FBXO11: variants seen among roughly 807,000 people sequenced by gnomAD.
FBXO11 encodes the protein F-box only protein 11.
FBXO11 carries 13 observed loss-of-function variants against 117.0 expected under a neutral mutation model. That is an observed-to-expected ratio of 0.11 (90% CI 0.07 to 0.18). The LOEUF is 0.18. FBXO11 is among the 10% of genes least tolerant of loss of function. The pLI is 1.00. For synonymous variants in FBXO11, 490 were observed against 380.5 expected (o/e 1.29, Z -3.35); for missense variants, 767 against 1,164.4 (o/e 0.66, Z 4.97).
intron 21 of FBXO11, 153 bp from the exon 22 acceptor site, chr2:47,808,580 T>C (rs1670386562): frequency 5.4e-6 from 3 of 555,132 alleles, no homozygotes; most frequent in Non-Finnish European, 9.2e-6. Flanking sequence ...AAAGGAACTT[T>C]AATGGAGTAA....
intron 1 of FBXO11, among the ~76,000 whole-genome samples, chr2:47,858,664 AGAGT>A (rs1267967295): frequency 2.1e-5 from 3 of 142,302 alleles, no homozygotes; most frequent in Admixed American, 2.1e-4. Flanking sequence ...CCTGGGCAAC[AGAGT>A]GAGACTCTGC....
Position 47,839,012 on chromosome 2 carries a change from A to G in FBXO11, c.443-9T>C. On this transcript the variant is annotated splice_polypyrimidine_tract_variant and intron_variant, in intron 3 of 22. Transcript: ENST00000403359. ...CTGTTCAGCAGGTGCTGCTATAAAG[A>G]GATTAACATATAAACTATCATTCGA... The G allele has an allele frequency of 6.2e-7, 1 of 1,602,524 alleles. No homozygotes were observed. Among genetic ancestry groups the G allele is most frequent in the Non-Finnish European group, 8.5e-7 (1 of 1,174,752 alleles).
chr2:47,884,384 C>T (rs1676659293), intron 1 of FBXO11, among the ~76,000 whole-genome samples: 1 of 152,182 alleles, frequency 6.6e-6, no homozygotes, highest in Non-Finnish European at 1.5e-5. Context: ...ACCTTTTGAA[C>T]TTCAACATGA....
intron 11 of FBXO11, among the ~76,000 whole-genome samples, chr2:47,828,353 T>G (rs1467921143): frequency 1.3e-5 from 2 of 152,126 alleles, no homozygotes; most frequent in Non-Finnish European, 2.9e-5. Flanking sequence ...ACATTCTTTA[T>G]TAAATATGAC....
At chr2:47,876,611 GT>G (rs1394724552) in intron 1 of FBXO11, among the ~76,000 whole-genome samples, 1 of 152,130 alleles carries the variant, frequency 6.6e-6, no homozygotes, top group African/African-American at 2.4e-5. Flanking sequence ...TGGTAAATAC[GT>G]TGTTAATTTA....
chr2:47,830,325 T>C (rs1045675917), intron 11 of FBXO11, among the ~76,000 whole-genome samples: 4 of 151,936 alleles, frequency 2.6e-5, no homozygotes, highest in Admixed American at 1.3e-4. Flanking sequence ...AGGCAATGGA[T>C]AGGGATTCTC....
At chr2:47,875,292 T>G (rs1009752975) in intron 1 of FBXO11, among the ~76,000 whole-genome samples, 1 of 152,210 alleles carries the variant, frequency 6.6e-6, no homozygotes, top group African/African-American at 2.4e-5. Flanking sequence ...TAGTCACATG[T>G]GGCAAGTGGC....
At chr2:47,904,489 C>G (rs1210772710) in intron 1 of FBXO11, among the ~76,000 whole-genome samples, 3 of 152,146 alleles carry the variant, frequency 2.0e-5, no homozygotes, top group Non-Finnish European at 4.4e-5. Context: ...AGCCCTTAGA[C>G]AATGGTGGTT....
intron 1 of FBXO11, among the ~76,000 whole-genome samples, chr2:47,878,420 C>T (rs189417028): frequency 3.3e-5 from 5 of 152,056 alleles, no homozygotes; most frequent in East Asian, 3.9e-4. Context: ...TGCAGTAGCA[C>T]GATCTCAGCT....
At chr2:47,875,026 G>A (rs192967052) in intron 1 of FBXO11, among the ~76,000 whole-genome samples, 1 of 152,152 alleles carries the variant, frequency 6.6e-6, no homozygotes, top group East Asian at 1.9e-4. Flanking sequence ...TACAGGATAT[G>A]ATCATCTCAA....
At chr2:47,881,063 G>C (rs1018253241) in intron 1 of FBXO11, among the ~76,000 whole-genome samples, 1 of 152,174 alleles carries the variant, frequency 6.6e-6, no homozygotes, top group Non-Finnish European at 1.5e-5. Context: ...GTCAAGCCTG[G>C]CCAACATGGT....
intron 13 of FBXO11, among the ~76,000 whole-genome samples, chr2:47,820,740 G>A (rs1175759775): frequency 1.3e-5 from 2 of 152,146 alleles, no homozygotes; most frequent in Admixed American, 6.5e-5. Flanking sequence ...TCTGTATACT[G>A]ATCAGTAAGT....
chr2:47,851,865 C>G (rs1361650163), intron 1 of FBXO11, among the ~76,000 whole-genome samples: 3 of 152,124 alleles, frequency 2.0e-5, no homozygotes. Flanking sequence ...AGCATTAAAT[C>G]CTTAACCTTT....
rs1670273988 is a variant in FBXO11, at chr2:47,807,211, AC to A, written c.*906del. 3.9e-6 allele frequency: 1 copy of A among 255,036 alleles called. No homozygotes were observed. The allele number at this position is 255,036 out of a possible 1,614,324, so 15.8% of individuals were successfully genotyped here. A position where few individuals can be genotyped will look rare whatever the true frequency, so the allele number is the denominator to read the frequency against. The stretch of plus-strand genomic sequence containing the variant: ...TTTAATTTCCAGCAGTTTTGTCTAA[AC>A]TGTTCAAAAAAAAACTATGAACAGA... On this transcript the variant is annotated 3_prime_UTR_variant, in exon 23 of 23. Coordinates refer to ENST00000403359, the MANE Select transcript of FBXO11 (RefSeq NM_001190274.2).
At position 47,888,632 on chromosome 2, in the gene FBXO11, G is replaced by C. The variant is rs547938491; in HGVS notation, c.232+16857C>G. ...CTCTGAAAGGTTAACTTACTTTTAGGCTTGTTCTTCTTTGGAATAACACTT... is the reference window on the plus strand; with the variant it reads ...CTCTGAAAGGTTAACTTACTTTTAGCCTTGTTCTTCTTTGGAATAACACTT... On this transcript the variant is annotated intron_variant, in intron 1 of 22. Coordinates refer to ENST00000403359, the MANE Select transcript of FBXO11 (RefSeq NM_001190274.2). 5 of 972,858 alleles carry C rather than the reference G, an allele frequency of 5.1e-6. No individual in the cohort carries two copies. The East Asian group carries it at 5.7e-4, about 111-fold the overall frequency. 60.3% of individuals were successfully genotyped at this position (972,858 alleles called of 1,614,324 possible).
At chr2:47,888,506 A>G in intron 1 of FBXO11, 1 of 164,328 alleles carries the variant, frequency 6.1e-6, no homozygotes, top group Non-Finnish European at 1.3e-5. Context: ...TCTTTATGTC[A>G]GTCTAATAAT....
chr2:47,815,643 A>C (rs1442387178), intron 16 of FBXO11, among the ~76,000 whole-genome samples: 2 of 152,190 alleles, frequency 1.3e-5, no homozygotes, highest in Non-Finnish European at 2.9e-5. Context: ...TCAGACCCCC[A>C]ATTTCAGAGG....
intron 1 of FBXO11, chr2:47,883,569 G>C: frequency 2.9e-6 from 1 of 346,570 alleles, no homozygotes; most frequent in Admixed American, 3.1e-5. Flanking sequence ...AATTCGTCTG[G>C]ATCGGCAAAC....
intron 4 of FBXO11, chr2:47,836,896 G>A (rs994418652): frequency 2.7e-6 from 1 of 367,664 alleles, no homozygotes; most frequent in African/African-American, 2.2e-5. Context: ...TGATCCTCTT[G>A]TCTTATTTTT....
Sources: allele counts gnomAD v4.1 joint callset (sites outside exome capture counted in the v4.1 genomes callset), GRCh38; gene constraint gnomAD v4.1.1; transcripts MANE v1.5; gene names NCBI Gene and HGNC (gene_info 2026-07-23, HGNC 2026-07-21).